The following CDK15 variants were observed in gnomAD, a reference collection of about 807,000 sequenced individuals.
CDK15 encodes cyclin dependent kinase 15.
In CDK15, 62 loss-of-function variants were observed where a neutral mutation model predicts 60.3. That is an observed-to-expected ratio of 1.03 (90% CI 0.84 to 1.27). The LOEUF (loss-of-function observed/expected upper bound fraction) is 1.27, where lower values mean the gene tolerates loss of function less well. Ranked by LOEUF, CDK15 falls within the 50% of genes most tolerant of loss-of-function variation. The probability of loss-of-function intolerance (pLI) is 0.00; values close to 1 mark genes in which losing one functional copy is unlikely to be tolerated. For missense variants in CDK15, 541 were observed against 527.8 expected (o/e 1.03, Z -0.25); for synonymous variants, 194 against 195.7 (o/e 0.99, Z 0.07).
chr2:201,836,183 A>G (rs10804123), intron 8 of CDK15, among the ~76,000 whole-genome samples: 1 of 79,234 alleles, frequency 1.3e-5, no homozygotes, highest in African/African-American at 3.9e-5. Flanking sequence ...TATATTATAT[A>G]TATTTTTTTA....
intron 4 of CDK15, among the ~76,000 whole-genome samples, chr2:201,813,490 T>G (rs1695862058): frequency 6.6e-6 from 1 of 152,244 alleles, no homozygotes; most frequent in Admixed American, 6.5e-5. Context: ...CACTTTTAAC[T>G]ACTTATCTTC....
intron 10 of CDK15, chr2:201,860,679 A>G: frequency 1.5e-6 from 2 of 1,349,198 alleles, no homozygotes; most frequent in Non-Finnish European, 2.0e-6. Context: ...ACCATAAGCG[A>G]CAGGCCAAGG....
At chr2:201,874,650 T>C (rs1699004397) in intron 11 of CDK15, among the ~76,000 whole-genome samples, 2 of 152,064 alleles carry the variant, frequency 1.3e-5, no homozygotes, top group African/African-American at 4.8e-5. Context: ...CCTTCAGAGG[T>C]GCAGTGGAAC....
At chr2:201,835,606 C>T in intron 7 of CDK15, 37 bp from the exon 8 acceptor site, 18 of 1,534,584 alleles carry the variant, frequency 1.2e-5, no homozygotes, top group Non-Finnish European at 1.6e-5. Flanking sequence ...AGCCAAGGTC[C>T]AGAACGATGG....
intron 9 of CDK15, among the ~76,000 whole-genome samples, chr2:201,850,585 A>G (rs1697864554): frequency 6.6e-6 from 1 of 152,218 alleles, no homozygotes; most frequent in African/African-American, 2.4e-5. Flanking sequence ...TAGATGCAGT[A>G]ACAAAACTGC....
chr2:201,808,051 A>T (rs1695598060), intron 3 of CDK15, 99 bp downstream of exon 3: 2 of 995,362 alleles, frequency 2.0e-6, no homozygotes, highest in Non-Finnish European at 3.0e-6. Context: ...AGTTCATAGC[A>T]CTCAGGACCT....
chr2:201,849,104 G>T (rs1697793930), intron 9 of CDK15, among the ~76,000 whole-genome samples: 1 of 152,160 alleles, frequency 6.6e-6, no homozygotes, highest in Admixed American at 6.5e-5. Flanking sequence ...CTAGCTAAAT[G>T]AACATGGGCA....
chr2:201,811,593 ATCT>A (rs1431879600), intron 3 of CDK15, among the ~76,000 whole-genome samples: 1 of 152,242 alleles, frequency 6.6e-6, no homozygotes, highest in Admixed American at 6.5e-5. Context: ...CTGCATTAAA[ATCT>A]TCTCTATTCT....
chr2:201,844,969 T>C (rs2105769303), intron 8 of CDK15, among the ~76,000 whole-genome samples: 1 of 151,936 alleles, frequency 6.6e-6, no homozygotes, highest in African/African-American at 2.4e-5. Context: ...GCGAACATGG[T>C]GAAACCCTGT....
intron 9 of CDK15, among the ~76,000 whole-genome samples, chr2:201,851,254 T>G (rs1697892045): frequency 7.9e-6 from 1 of 126,434 alleles, no homozygotes; most frequent in Admixed American, 1.0e-4. Context: ...ATCGTGCCAC[T>G]GCACTCCAGC....
chr2:201,818,395 T>C (rs1411387663), intron 4 of CDK15, among the ~76,000 whole-genome samples: 2 of 152,196 alleles, frequency 1.3e-5, no homozygotes, highest in Non-Finnish European at 2.9e-5. Flanking sequence ...AAAAACAGTA[T>C]TTTATGAGAC....
At chr2:201,836,076 ATATATATTTATATATT>A (rs1168653640) in intron 8 of CDK15, among the ~76,000 whole-genome samples, 19 of 113,036 alleles carry the variant, frequency 1.7e-4, no homozygotes, top group African/African-American at 6.4e-4. Flanking sequence ...ATTTATATTT[ATATATATTTATATATT>A]TATATATATT....
Position 201,822,858 on chromosome 2 carries a change from C to A in CDK15, c.498C>A (p.Asp166Glu). The A allele has an allele frequency of 1.2e-6, 2 of 1,613,320 alleles. No homozygotes were observed. The highest frequency in any genetic ancestry group is 1.7e-6 in the Non-Finnish European group (2 of 1,179,334). The stretch of plus-strand genomic sequence containing the variant: ...ATGCCAATATTGTGCTCCTGCATGA[C>A]ATAATCCACACCAAAGAGACACTGA... ...LKHANIVLLH[D>E]IIHTKETLTF... The change falls in exon 5 of 14, where the codon GAC becomes GAA. Residue 166 changes from aspartate to glutamate, a missense_variant. Transcript: ENST00000652192.
intron 8 of CDK15, among the ~76,000 whole-genome samples, chr2:201,845,249 A>C (rs190136325): frequency 9.2e-5 from 14 of 152,316 alleles, no homozygotes; most frequent in Admixed American, 8.5e-4. Context: ...TTTTAAACAA[A>C]ACTCTAAGAA....
intron 8 of CDK15, among the ~76,000 whole-genome samples, chr2:201,843,927 T>A (rs370127681): frequency 7.3e-5 from 2 of 27,404 alleles, no homozygotes; most frequent in East Asian, 3.2e-3. Flanking sequence ...ACAAAATGAC[T>A]TCTTGGTTCC....
chr2:201,820,112 A>G (rs1696156649), intron 4 of CDK15, among the ~76,000 whole-genome samples: 1 of 152,198 alleles, frequency 6.6e-6, no homozygotes, highest in Non-Finnish European at 1.5e-5. Context: ...TAAAATTAAA[A>G]TATCTTAACA....
chr2:201,847,126 T>C (rs922645451), intron 8 of CDK15, among the ~76,000 whole-genome samples: 1 of 152,150 alleles, frequency 6.6e-6, no homozygotes, highest in African/African-American at 2.4e-5. Context: ...ATAATGAGCT[T>C]GAATGATCTA....
intron 6 of CDK15, among the ~76,000 whole-genome samples, chr2:201,828,574 G>A (rs751304033): frequency 6.6e-6 from 1 of 152,136 alleles, no homozygotes. Flanking sequence ...GTGGATTTGT[G>A]AGGGACACAC....
chr2:201,845,533 C>T, intron 8 of CDK15, among the ~76,000 whole-genome samples: 1 of 146,680 alleles, frequency 6.8e-6, no homozygotes, highest in South Asian at 2.2e-4. Context: ...AGGCAGATTG[C>T]TTGAGCCCAG....
Sources: gnomAD v4.1 joint callset for allele counts (sites outside exome capture counted in the v4.1 genomes callset) on GRCh38, gnomAD v4.1.1 for gene constraint, MANE v1.5 for transcripts, NCBI Gene and HGNC (gene_info 2026-07-23, HGNC 2026-07-21) for gene names.